DPP6: variants seen among roughly 807,000 people sequenced by gnomAD.
The protein encoded by DPP6 is dipeptidyl peptidase like 6.
In DPP6, 69 loss-of-function variants were observed where a neutral mutation model predicts 122.6. The ratio of observed to expected loss-of-function variants is 0.56; its 90% CI spans 0.46 to 0.69. The LOEUF (loss-of-function observed/expected upper bound fraction) is 0.69, where lower values mean the gene tolerates loss of function less well. Ranked by LOEUF, DPP6 falls within the 30% of genes least tolerant of loss-of-function variation. DPP6 has a pLI of 0.00. For synonymous variants in DPP6, 418 were observed against 433.1 expected (o/e 0.97, Z 0.43); for missense variants, 928 against 1,116.9 (o/e 0.83, Z 2.41).
intron 6 of DPP6, among the ~76,000 whole-genome samples, chr7:154,643,910 A>T (rs1836277641): frequency 6.6e-6 from 1 of 152,146 alleles, no homozygotes; most frequent in African/African-American, 2.4e-5. Context: ...CAGGAGGGAG[A>T]TACTCCAGGC....
At position 154,876,108 on chromosome 7, in the gene DPP6, C is replaced by T; in HGVS notation, c.2078+8C>T. On this transcript the variant is annotated splice_region_variant and intron_variant, in intron 20 of 25. Transcript: ENST00000377770. ...CCAGATGGAGGCCGTGCGGTGAGCA[C>T]CCGCCCAGGAAGCAGGAGAGGCCGG... 1.3e-6 allele frequency: 2 copies of T among 1,572,264 alleles called. No individual in the cohort carries two copies. Among genetic ancestry groups the T allele is most frequent in the South Asian group, 1.2e-5 (1 of 85,434 alleles).
In DPP6 at chr7:154,248,393, T is replaced by C. The variant is rs529411984; in HGVS notation, c.243+195330T>C. On this transcript the variant is annotated intron_variant, in intron 1 of 25. Transcript: ENST00000377770. ...AAAGGACGTGCTCTGTAATTCAGTA[T>C]GTAAGAAGCCCCAGAGCAGGGAGAG... Among the ~76,000 whole-genome samples, 8 of 152,154 alleles carry C rather than the reference T, an allele frequency of 5.3e-5. No homozygotes were observed. In the East Asian group the frequency reaches 1.5e-3, roughly 29 times the overall value.
At chr7:154,150,886 T>G (rs1796378394) in intron 1 of DPP6, among the ~76,000 whole-genome samples, 1 of 152,206 alleles carries the variant, frequency 6.6e-6, no homozygotes, top group Non-Finnish European at 1.5e-5. Flanking sequence ...CTTTGGAGGC[T>G]CTTCCTCCCC....
At chr7:154,094,966 C>T (rs1171540024) in intron 1 of DPP6, 1 of 152,330 alleles carries the variant, frequency 6.6e-6, no homozygotes, top group Non-Finnish European at 1.5e-5. Flanking sequence ...CTGGCCATCT[C>T]CTTTCTGCAT....
the DPP6 span, among the ~76,000 whole-genome samples, chr7:153,854,339 C>T: frequency 6.6e-6 from 1 of 152,168 alleles, no homozygotes; most frequent in African/African-American, 2.4e-5. Context: ...ACCTACTCAT[C>T]TGACAAAGGG....
At chr7:154,463,100 G>A (rs543742071) in intron 2 of DPP6, among the ~76,000 whole-genome samples, 9 of 151,536 alleles carry the variant, frequency 5.9e-5, no homozygotes, top group African/African-American at 2.2e-4. Flanking sequence ...CTAGAATTGG[G>A]GACCCCAAGA....
At chr7:154,173,487 C>T (rs1388619205) in intron 1 of DPP6, among the ~76,000 whole-genome samples, 3 of 152,144 alleles carry the variant, frequency 2.0e-5, no homozygotes, top group Non-Finnish European at 2.9e-5. Context: ...CTAACAAGGC[C>T]GTGCTCTCCT....
chr7:154,284,258 G>A (rs927872049), intron 1 of DPP6, among the ~76,000 whole-genome samples: 1 of 152,084 alleles, frequency 6.6e-6, no homozygotes, highest in Admixed American at 6.5e-5. Flanking sequence ...GATGCTACCA[G>A]AACTATGAAA....
At position 154,251,232 on chromosome 7, in the gene DPP6, A is replaced by G. The variant is rs561527696; in HGVS notation, c.244-194982A>G. On this transcript the variant is annotated intron_variant, in intron 1 of 25. Transcript: ENST00000377770. ...TGTATCTGCCCAAATTAACATTAGGATGTTTCACGGGAGCTACTTATTTCA... is the reference window on the plus strand; with the variant it reads ...TGTATCTGCCCAAATTAACATTAGGGTGTTTCACGGGAGCTACTTATTTCA... 9.2e-5 allele frequency among the ~76,000 whole-genome samples: 14 copies of G among 152,294 alleles called. No homozygotes were observed. The South Asian group carries it at 2.7e-3, about 29-fold the overall frequency.
intron 16 of DPP6, among the ~76,000 whole-genome samples, chr7:154,820,688 A>G (rs960156642): frequency 1.3e-5 from 2 of 152,222 alleles, no homozygotes; most frequent in Non-Finnish European, 2.9e-5. Context: ...TTTGAGAGCT[A>G]TGAAAAATAG....
Position 154,515,100 on chromosome 7 carries a change from A to G in DPP6, c.458-25432A>G, listed in dbSNP as rs138278429. 2.9e-3 allele frequency among the ~76,000 whole-genome samples: 447 copies of G among 152,356 alleles called. 2 individuals are homozygous for G. The highest frequency in any genetic ancestry group is 0.01 in the African/African-American group (423 of 41,592). On this transcript the variant is annotated intron_variant, in intron 3 of 25. Coordinates refer to ENST00000377770, the MANE Select transcript of DPP6 (RefSeq NM_130797.4). ...TGCTTAATGTACAAAAGAACAAGCA[A>G]TATACACTTGTCTCTCTTCAATGGA...
chr7:154,869,852 CACCCCT>C (rs1804239085), intron 18 of DPP6, among the ~76,000 whole-genome samples: 1 of 147,850 alleles, frequency 6.8e-6, no homozygotes, highest in African/African-American at 2.6e-5. Flanking sequence ...CCCCCACCCC[CACCCCT>C]GCCCCCAACA....
chr7:153,755,833 C>CT, the DPP6 span, among the ~76,000 whole-genome samples: 2 of 152,298 alleles, frequency 1.3e-5, no homozygotes, highest in East Asian at 3.9e-4. Context: ...CACTCAGTCT[C>CT]TTTTTTATTT....
intron 1 of DPP6, among the ~76,000 whole-genome samples, chr7:153,934,365 C>G (rs1801327190): frequency 1.3e-5 from 2 of 151,670 alleles, no homozygotes; most frequent in Non-Finnish European, 2.9e-5. Context: ...CAAGGCTGTT[C>G]TTGTTTATTT....
intron 2 of DPP6, among the ~76,000 whole-genome samples, chr7:154,457,150 AAGTG>A (rs1238477444): frequency 1.3e-5 from 1 of 76,208 alleles, no homozygotes. Context: ...ATTTTGTCAA[AAGTG>A]GGCGAAGGAC....
intron 3 of DPP6, among the ~76,000 whole-genome samples, chr7:154,510,953 C>G (rs1467223073): frequency 1.3e-5 from 2 of 151,128 alleles, no homozygotes; most frequent in Admixed American, 1.3e-4. Context: ...CACACACACA[C>G]ACACACACAC....
chr7:154,750,698 C>T (rs973987476), intron 8 of DPP6, among the ~76,000 whole-genome samples: 6 of 152,194 alleles, frequency 3.9e-5, no homozygotes, highest in Non-Finnish European at 8.8e-5. Flanking sequence ...ATTTGGAACA[C>T]GGAGAGACAA....
At chr7:154,460,381 C>T (rs993791844) in intron 2 of DPP6, among the ~76,000 whole-genome samples, 2 of 152,120 alleles carry the variant, frequency 1.3e-5, no homozygotes, top group South Asian at 2.1e-4. Flanking sequence ...CTCCCACTTC[C>T]GTCTCTTCAC....
At chr7:153,955,951 G>A (rs1363449897) in intron 1 of DPP6, among the ~76,000 whole-genome samples, 1 of 152,168 alleles carries the variant, frequency 6.6e-6, no homozygotes, top group Non-Finnish European at 1.5e-5. Context: ...AGTGACAGAT[G>A]TGGCCCTTCA....
Sources: allele counts gnomAD v4.1 joint callset (sites outside exome capture counted in the v4.1 genomes callset), GRCh38; gene constraint gnomAD v4.1.1; transcripts MANE v1.5; gene names NCBI Gene and HGNC (gene_info 2026-07-23, HGNC 2026-07-21).